Variants in GCNT1 observed in about 807,000 individuals in gnomAD.
The protein encoded by GCNT1 is beta-1,3-galactosyl-O-glycosyl-glycoprotein beta-1,6-N-acetylglucosaminyltransferase.
A neutral mutation model predicts 26.2 loss-of-function variants in GCNT1; 16 were observed. The ratio of observed to expected loss-of-function variants is 0.61; its 90% CI spans 0.41 to 0.93. The LOEUF (loss-of-function observed/expected upper bound fraction) is 0.93, where lower values mean the gene tolerates loss of function less well. Ranked by LOEUF, GCNT1 falls within the 40% of genes least tolerant of loss-of-function variation. GCNT1 has a pLI of 0.00. For missense variants in GCNT1, 477 were observed against 526.7 expected (o/e 0.91, Z 0.92); for synonymous variants, 183 against 190.8 (o/e 0.96, Z 0.34).
chr9:76,473,106 C>T (rs1824176364), intron 2 of GCNT1, among the ~76,000 whole-genome samples: 1 of 152,132 alleles, frequency 6.6e-6, no homozygotes, highest in Non-Finnish European at 1.5e-5. Flanking sequence ...CAGACTCCAC[C>T]CCTAGCCTGA....
At chr9:76,422,432 T>C (rs1023891546) in intron 1 of GCNT1, among the ~76,000 whole-genome samples, 1 of 152,246 alleles carries the variant, frequency 6.6e-6, no homozygotes, top group African/African-American at 2.4e-5. Flanking sequence ...TCTTGATTTA[T>C]GTTAATTTTA....
upstream of GCNT1, among the ~76,000 whole-genome samples, chr9:76,418,423 T>C (rs1823150738): frequency 6.6e-6 from 1 of 152,138 alleles, no homozygotes; most frequent in Admixed American, 6.5e-5. Flanking sequence ...TGTCCCACCC[T>C]CTCTTCCCAT....
At chr9:76,403,422 C>T in the GCNT1 span, among the ~76,000 whole-genome samples, 1 of 152,202 alleles carries the variant, frequency 6.6e-6, no homozygotes, top group Non-Finnish European at 1.5e-5. Flanking sequence ...GTTAAATTCT[C>T]ACCACCAAAA....
chr9:76,478,421 CG>C (rs1824314636), intron 2 of GCNT1, among the ~76,000 whole-genome samples: 1 of 152,074 alleles, frequency 6.6e-6, no homozygotes, highest in African/African-American at 2.4e-5. Context: ...CACGAACCCA[CG>C]GGAAGGAAGA....
chr9:76,436,966 G>T (rs978909767), upstream of GCNT1, among the ~76,000 whole-genome samples: 11 of 152,064 alleles, frequency 7.2e-5, no homozygotes, highest in African/African-American at 2.7e-4. Context: ...CGTGGGGTGT[G>T]GGGAGGGGGA....
intron 2 of GCNT1, among the ~76,000 whole-genome samples, chr9:76,496,810 C>T (rs187046207): frequency 2.6e-4 from 40 of 152,236 alleles, no homozygotes; most frequent in African/African-American, 7.5e-4. Flanking sequence ...TTCCAACTCA[C>T]GGTGGAATTA....
upstream of GCNT1, among the ~76,000 whole-genome samples, chr9:76,440,076 G>A (rs117959141): frequency 1.7e-4 from 25 of 151,302 alleles, no homozygotes; most frequent in East Asian, 2.3e-3. Context: ...ACTCCAGCCT[G>A]GGCAAGAGCG....
At chr9:76,430,542 C>T (rs1312013304) in intron 1 of GCNT1, among the ~76,000 whole-genome samples, 1 of 151,550 alleles carries the variant, frequency 6.6e-6, no homozygotes, top group Non-Finnish European at 1.5e-5. Context: ...CCACCATGTT[C>T]GACTAATTTT....
intron 2 of GCNT1, among the ~76,000 whole-genome samples, chr9:76,479,978 A>G (rs911312746): frequency 3.3e-5 from 5 of 152,120 alleles, no homozygotes; most frequent in African/African-American, 1.2e-4. Context: ...TAGGGTTTTT[A>G]TGGTTTTAGG....
At chr9:76,413,670 T>TTTTTTTTTTTTTTTTG in the GCNT1 span, among the ~76,000 whole-genome samples, 1 of 116,890 alleles carries the variant, frequency 8.6e-6, no homozygotes, top group Non-Finnish European at 1.9e-5. Flanking sequence ...TTTTTTTTGT[T>TTTTTTTTTTTTTTTTG]TTTTTTTTTT....
At chr9:76,446,377 G>A (rs970410111) in intron 1 of GCNT1, among the ~76,000 whole-genome samples, 10 of 152,090 alleles carry the variant, frequency 6.6e-5, no homozygotes, top group Non-Finnish European at 1.2e-4. Flanking sequence ...TGGAAAAGAC[G>A]GCTGCCAAAA....
chr9:76,405,293 A>ACG, the GCNT1 span, among the ~76,000 whole-genome samples: 37 of 64,352 alleles, frequency 5.7e-4, no homozygotes, highest in African/African-American at 2.1e-3. Context: ...CCTTCAACAC[A>ACG]CACACACACA....
At chr9:76,460,672 G>T (rs187711193) in intron 2 of GCNT1, among the ~76,000 whole-genome samples, 153 of 152,250 alleles carry the variant, frequency 1.0e-3, no homozygotes, top group Admixed American at 6.2e-3. Context: ...CCCTTAAAAT[G>T]GTAGTTTTGG....
At chr9:76,419,450 G>A (rs542811888), upstream of GCNT1, among the ~76,000 whole-genome samples, 5 of 152,224 alleles carry the variant, frequency 3.3e-5, no homozygotes, top group Middle Eastern at 3.4e-3. Context: ...CGGGAGAATC[G>A]CTTGACCCCA....
the GCNT1 span, chr9:76,394,443 G>A: frequency 5.6e-5 from 21 of 376,186 alleles, no homozygotes; most frequent in African/African-American, 3.0e-4. Context: ...TGTGAGCGGG[G>A]TGGGGGGAGG....
At chr9:76,443,575 T>C (rs1823515857) in intron 1 of GCNT1, among the ~76,000 whole-genome samples, 1 of 152,214 alleles carries the variant, frequency 6.6e-6, no homozygotes. Context: ...TTGCCCTCAT[T>C]CCGGTAAACC....
chr9:76,410,611 A>T, the GCNT1 span, among the ~76,000 whole-genome samples: 1 of 152,166 alleles, frequency 6.6e-6, no homozygotes, highest in Non-Finnish European at 1.5e-5. Flanking sequence ...AAAAAAGTTT[A>T]AAAAAATAAA....
chr9:76,396,311 G>A, the GCNT1 span, among the ~76,000 whole-genome samples: 2 of 152,114 alleles, frequency 1.3e-5, no homozygotes, highest in African/African-American at 2.4e-5. Context: ...AAAAATGGGC[G>A]GGGCATGGTG....
intron 2 of GCNT1, among the ~76,000 whole-genome samples, chr9:76,479,592 T>G (rs1824362481): frequency 6.6e-6 from 1 of 152,256 alleles, no homozygotes; most frequent in African/African-American, 2.4e-5. Context: ...AGTTTTGATT[T>G]GCATTTCTCT....
Sources: allele counts gnomAD v4.1 joint callset (sites outside exome capture counted in the v4.1 genomes callset), GRCh38; gene constraint gnomAD v4.1.1; transcripts MANE v1.5; gene names NCBI Gene and HGNC (gene_info 2026-07-23, HGNC 2026-07-21).